The following BTNL9 variants were observed in gnomAD, a reference collection of about 807,000 sequenced individuals.
The protein encoded by BTNL9 is butyrophilin-like protein 9.
In BTNL9, 45 loss-of-function variants were observed where a neutral mutation model predicts 45.8. The observed-to-expected ratio is 0.98, with a 90% confidence interval of 0.77 to 1.26. BTNL9 has a LOEUF of 1.26. Among genes scored for constraint, BTNL9 ranks in the 50% most tolerant of loss-of-function variants. BTNL9 has a pLI of 0.00. For missense variants in BTNL9, 784 were observed against 729.7 expected (o/e 1.07, Z -0.86); for synonymous variants, 346 against 330.8 (o/e 1.05, Z -0.50).
Position 181,056,029 on chromosome 5 carries a change from A to C in BTNL9, c.955+14A>C. On this transcript the variant is annotated intron_variant, in intron 9 of 10. Coordinates refer to ENST00000327705, the MANE Select transcript of BTNL9 (RefSeq NM_152547.5). ...AAGGCCAGGCTGGTGAGTGGAACCCATCTCTCTCTGACTCCTCCTCATTTA... is the reference window on the plus strand; with the variant it reads ...AAGGCCAGGCTGGTGAGTGGAACCCCTCTCTCTCTGACTCCTCCTCATTTA... 7 of 1,613,998 alleles carry C rather than the reference A, an allele frequency of 4.3e-6. No homozygotes were observed. The highest frequency in any genetic ancestry group is 5.9e-6 in the Non-Finnish European group (7 of 1,179,964).
At chr5:181,054,046 C>A in intron 6 of BTNL9, 193 bp from the exon 7 acceptor site, 1 of 1,544,430 alleles carries the variant, frequency 6.5e-7, no homozygotes, top group Non-Finnish European at 8.7e-7. Flanking sequence ...AGAAGGGCAG[C>A]CAAGGGTGCG....
At chr5:181,043,661 G>A (rs1437564226) in intron 1 of BTNL9, among the ~76,000 whole-genome samples, 4 of 152,190 alleles carry the variant, frequency 2.6e-5, no homozygotes, top group African/African-American at 9.7e-5. Flanking sequence ...GAACACTGAC[G>A]TGCCCCTCCT....
chr5:181,055,311 A>G lies in BTNL9; in HGVS notation c.908-122A>G, dbSNP rs1749266237. 4 of 1,571,090 alleles carry G rather than the reference A, an allele frequency of 2.5e-6. No individual in the cohort carries two copies. Among genetic ancestry groups the G allele is most frequent in the South Asian group, 2.4e-5 (2 of 83,582 alleles). ...GGGCAAAGAGGAAGCTGTAAAAAAA[A>G]AAAAATGAAGCTGTGATTAGCAGTG... On this transcript the variant is annotated intron_variant, in intron 7 of 10. Coordinates refer to ENST00000327705, the MANE Select transcript of BTNL9 (RefSeq NM_152547.5). This position sits in a 1 kb window ranked among gnomAD's most constrained non-coding sequence, Gnocchi z 4.4.
At chr5:181,045,033 G>A (rs941852914) in intron 1 of BTNL9, among the ~76,000 whole-genome samples, 13 of 152,224 alleles carry the variant, frequency 8.5e-5, no homozygotes, top group African/African-American at 2.4e-4. Flanking sequence ...GAAGTGGGAC[G>A]AAGGTTGGGT....
rs551389725 is a variant in BTNL9, at chr5:181,048,887, T to TATATA, written c.454+617_454+621dup. On this transcript the variant is annotated intron_variant, in intron 3 of 10. Transcript: ENST00000327705. ...ATTATATTAGTTATATAATATATCA[T>TATATA]ATATATGATATATAAATATATATAA... is the stretch of plus-strand genomic sequence containing the variant. Among the ~76,000 whole-genome samples, 194 of 135,754 alleles carry TATATA rather than the reference T, an allele frequency of 1.4e-3. 5 individuals are homozygous for TATATA. Among genetic ancestry groups the TATATA allele is most frequent in the African/African-American group, 4.8e-3 (169 of 35,186 alleles). 89.1% of individuals were successfully genotyped at this position (135,754 alleles called of 152,430 possible).
At position 181,059,644 on chromosome 5, in the gene BTNL9, A is replaced by G; in HGVS notation, c.1390A>G (p.Asn464Asp). Reference protein sequence around the residue: ...DYEAGELSFFNVSDGSHIFTF... With the variant: ...DYEAGELSFFDVSDGSHIFTF... Reference sequence around the variant, plus strand: ...CGAGGCCGGAGAGCTGTCCTTCTTCAACGTGTCCGACGGCTCCCACATCTT... The same window carrying G: ...CGAGGCCGGAGAGCTGTCCTTCTTCGACGTGTCCGACGGCTCCCACATCTT... The change falls in exon 11 of 11, where the codon AAC becomes GAC. Residue 464 changes from asparagine to aspartate, a missense_variant. By Grantham distance (23) the Asn-to-Asp change is conservative. Transcript: ENST00000327705. The G allele has an allele frequency of 1.9e-6, 3 of 1,613,580 alleles. No homozygotes were observed. The highest frequency in any genetic ancestry group is 2.5e-6 in the Non-Finnish European group (3 of 1,179,926).
chr5:181,056,478 G>C (rs1181630961), intron 9 of BTNL9: 2 of 705,542 alleles, frequency 2.8e-6, no homozygotes, highest in Admixed American at 4.1e-5. Context: ...GCATCATCAT[G>C]CTTTAATATC....
At position 181,053,159 on chromosome 5, in the gene BTNL9, G is replaced by A; in HGVS notation, c.737-41G>A. ...GGCCGGTCTCGCCTCTCGGTGCTCA[G>A]CGGCGCCTGGACCGACACGGCCCCC... On this transcript the variant is annotated intron_variant, in intron 4 of 10. Transcript: ENST00000327705. The surrounding 1 kb of genome is among the most constrained non-coding windows in gnomAD (Gnocchi z 6.5). 6.6e-7 allele frequency: 1 copy of A among 1,519,006 alleles called. No homozygotes were observed. Among genetic ancestry groups the A allele is most frequent in the Non-Finnish European group, 8.9e-7 (1 of 1,123,652 alleles). The allele number at this position is 1,519,006 out of a possible 1,614,324, so 94.1% of individuals were successfully genotyped here.
At chr5:181,047,549 T>C in intron 2 of BTNL9, 3 of 963,566 alleles carry the variant, frequency 3.1e-6, no homozygotes, top group Non-Finnish European at 2.5e-6. Flanking sequence ...CAAATACGTA[T>C]GTTTTTTACT....
In BTNL9 at chr5:181,045,588, G is replaced by C. The variant is rs1328717522; in HGVS notation, c.99G>C (p.Glu33Asp). 3.1e-6 allele frequency: 5 copies of C among 1,611,012 alleles called. No individual in the cohort carries two copies. The highest frequency in any genetic ancestry group is 4.2e-6 in the Non-Finnish European group (5 of 1,178,278). The change falls in exon 2 of 11, where the codon GAG (glutamate) becomes GAC (aspartate). Residue 33 changes from glutamate to aspartate, a missense_variant. Transcript: ENST00000327705. ...ACCTCCTCCTCCTTCAGCCTGGGGA[G>C]CCGAGCTCAGGTATTGTGTCTGCAG... Reference protein sequence around the residue: ...LMHLLLLQPGEPSSEVKVLGP... With the variant: ...LMHLLLLQPGDPSSEVKVLGP...
intron 2 of BTNL9, among the ~76,000 whole-genome samples, chr5:181,046,749 G>T (rs1761193830): frequency 6.6e-6 from 1 of 152,142 alleles, no homozygotes; most frequent in Non-Finnish European, 1.5e-5. Context: ...AAGACCTTGG[G>T]AGCACAGCTA....
In BTNL9 at chr5:181,059,919, G is replaced by A. The variant is rs912433442; in HGVS notation, c.*57G>A. ...GGGGCCCCCTGGATCCCAGGCCAGCGCTTTGCTCTCCTGCTCCGTCTGAAG... is the reference window on the plus strand; with the variant it reads ...GGGGCCCCCTGGATCCCAGGCCAGCACTTTGCTCTCCTGCTCCGTCTGAAG... On this transcript the variant is annotated 3_prime_UTR_variant, in exon 11 of 11. Transcript: ENST00000327705. 57 of 1,425,150 alleles carry A rather than the reference G, an allele frequency of 4.0e-5. No homozygotes were observed. In the Admixed American group the frequency reaches 9.9e-4, roughly 25 times the overall value. The allele number at this position is 1,425,150 out of a possible 1,614,324, so 88.3% of individuals were successfully genotyped here. A position where few individuals can be genotyped will look rare whatever the true frequency, so the allele number is the denominator to read the frequency against.
rs931215904 is a variant in BTNL9, at chr5:181,042,539, G to C, written c.-24+2107G>C. On this transcript the variant is annotated intron_variant, in intron 1 of 10. Coordinates refer to ENST00000327705, the MANE Select transcript of BTNL9 (RefSeq NM_152547.5). The surrounding 1 kb of genome is among the most constrained non-coding windows in gnomAD (Gnocchi z 4.5). Reference sequence around the variant, plus strand: ...AGGGCGGACGCACAGCAGCAAACGGGGAGGAGGGTGCTGTCCAGGAGCCGC... The same window carrying C: ...AGGGCGGACGCACAGCAGCAAACGGCGAGGAGGGTGCTGTCCAGGAGCCGC... Among the ~76,000 whole-genome samples the C allele has an allele frequency of 6.6e-6, 1 of 152,182 alleles. No individual in the cohort carries two copies. The highest frequency in any genetic ancestry group is 6.5e-5 in the Admixed American group (1 of 15,282).
intron 1 of BTNL9, among the ~76,000 whole-genome samples, chr5:181,043,100 A>ATAC (rs1760865891): frequency 6.6e-6 from 1 of 152,186 alleles, no homozygotes; most frequent in South Asian, 2.1e-4. Flanking sequence ...AATAATAATA[A>ATAC]TAAAAATAAT....
chr5:181,060,871 C>T lies in BTNL9; in HGVS notation c.*1009C>T, dbSNP rs1001246274. The T allele has an allele frequency of 1.3e-5, 2 of 152,330 alleles. No individual in the cohort carries two copies. Among genetic ancestry groups the T allele is most frequent in the Non-Finnish European group, 2.9e-5 (2 of 68,106 alleles). The allele number at this position is 152,330 out of a possible 1,614,324, so 9.4% of individuals were successfully genotyped here. On this transcript the variant is annotated 3_prime_UTR_variant, in exon 11 of 11. Coordinates refer to ENST00000327705, the MANE Select transcript of BTNL9 (RefSeq NM_152547.5). ...CCTACCCCCAAGACATTGTCTCTGT[C>T]GGCCAGGCTGGAGTGCAGCCTCAAC...
chr5:181,056,556 G>T (rs1006203502), intron 9 of BTNL9: 5 of 717,370 alleles, frequency 7.0e-6, no homozygotes, highest in African/African-American at 5.2e-5. Flanking sequence ...GTTTTAGCCA[G>T]CCACCCTCCT....
At chr5:181,044,851 C>T (rs779887282) in intron 1 of BTNL9, among the ~76,000 whole-genome samples, 6 of 152,110 alleles carry the variant, frequency 3.9e-5, no homozygotes, top group Admixed American at 6.5e-5. Context: ...GACACAGAGA[C>T]AGTTACCAGC....
chr5:181,059,370 C>T lies in BTNL9; in HGVS notation c.1116C>T (p.Cys372=), dbSNP rs980878173. The T allele has an allele frequency of 1.0e-5, 16 of 1,537,550 alleles. No homozygotes were observed. In the East Asian group the frequency reaches 3.2e-4, roughly 31 times the overall value. ...CGCAGCGGTTCTCGGAGCAGACGTG[C>T]GCGCTGAGCCTGGAGCGGTTCTCCG... ...GHPQRFSEQT[C]ALSLERFSAG... Residue 372 remains cysteine, a synonymous_variant, in exon 11 of 11, where the codon TGC becomes TGT. Transcript: ENST00000327705.
At position 181,054,026 on chromosome 5, in the gene BTNL9, C is replaced by A. The variant is rs1761736613; in HGVS notation, c.887-213C>A. The stretch of plus-strand genomic sequence containing the variant: ...AGCAGGAGGGAGGGCGCTGGGTCAC[C>A]CTCCTATGCAGAAGGGCAGCCAAGG... On this transcript the variant is annotated intron_variant, in intron 6 of 10. Transcript: ENST00000327705. 1.8e-5 allele frequency: 28 copies of A among 1,542,164 alleles called. No homozygotes were observed. The South Asian group carries it at 3.4e-4, about 19-fold the overall frequency.
Sources: gnomAD v4.1 joint callset for allele counts (sites outside exome capture counted in the v4.1 genomes callset) on GRCh38, gnomAD v4.1.1 for gene constraint, Gnocchi (gnomAD v3.1) non-coding constraint, MANE v1.5 for transcripts, NCBI Gene and HGNC (gene_info 2026-07-23, HGNC 2026-07-21) for gene names.